The following GALNT17 variants were observed in gnomAD, a reference collection of about 807,000 sequenced individuals.
GALNT17 encodes polypeptide N-acetylgalactosaminyltransferase 17.
In GALNT17, 29 loss-of-function variants were observed where a neutral mutation model predicts 63.7. That is an observed-to-expected ratio of 0.46 (90% CI 0.34 to 0.62). The LOEUF is 0.62. Among genes scored for constraint, GALNT17 ranks in the 20% least tolerant of loss-of-function variants. The pLI is 0.01. For missense variants in GALNT17, 603 were observed against 799.6 expected, an observed-to-expected ratio of 0.75 and a Z score of 2.97; for synonymous variants, 305 against 318.3, an observed-to-expected ratio of 0.96 and a Z score of 0.45.
At chr7:71,583,214 C>T (rs1398881744) in intron 6 of GALNT17, among the ~76,000 whole-genome samples, 1 of 152,186 alleles carries the variant, frequency 6.6e-6, no homozygotes, top group Non-Finnish European at 1.5e-5. Context: ...CCTGCCTCAG[C>T]CTCCTGAGTA....
intron 6 of GALNT17, among the ~76,000 whole-genome samples, chr7:71,652,632 G>C (rs920379271): frequency 4.6e-5 from 7 of 152,176 alleles, no homozygotes; most frequent in Non-Finnish European, 8.8e-5. Flanking sequence ...GCTAAAATTT[G>C]CCTGCGCTTG....
chr7:71,361,377 TTGAAACCCA>T (rs1309353301), intron 2 of GALNT17, among the ~76,000 whole-genome samples: 68 of 152,362 alleles, frequency 4.5e-4, no homozygotes, highest in South Asian at 2.1e-3. Flanking sequence ...GTTTTAGCAC[TTGAAACCCA>T]GGGACACCAT....
intron 1 of GALNT17, chr7:71,300,469 A>C (rs771121235): frequency 2.2e-6 from 1 of 455,756 alleles, no homozygotes; most frequent in Non-Finnish European, 4.4e-6. Flanking sequence ...TGACTGGGGG[A>C]TGTTCATGAG....
chr7:71,186,271 C>A (rs1788849638), intron 1 of GALNT17, among the ~76,000 whole-genome samples: 1 of 152,208 alleles, frequency 6.6e-6, no homozygotes, highest in Non-Finnish European at 1.5e-5. Context: ...CCTTTATCCT[C>A]TCCAAGAGGA....
At chr7:71,707,918 C>T (rs2117126037) in intron 9 of GALNT17, among the ~76,000 whole-genome samples, 1 of 152,300 alleles carries the variant, frequency 6.6e-6, no homozygotes, top group South Asian at 2.1e-4. Flanking sequence ...GACTCCATTT[C>T]TTGATGGAAA....
At chr7:71,524,626 C>G (rs1184937610) in intron 5 of GALNT17, among the ~76,000 whole-genome samples, 1 of 152,112 alleles carries the variant, frequency 6.6e-6, no homozygotes, top group Non-Finnish European at 1.5e-5. Context: ...AGTCACTGTT[C>G]TTGAGAGTAT....
chr7:71,491,470 T>C (rs1788006317), intron 5 of GALNT17, among the ~76,000 whole-genome samples: 1 of 152,182 alleles, frequency 6.6e-6, no homozygotes. Flanking sequence ...TTTATGTGTT[T>C]GTACCCTGCC....
chr7:71,702,291 A>G (rs546532759), intron 9 of GALNT17, among the ~76,000 whole-genome samples: 3 of 152,284 alleles, frequency 2.0e-5, no homozygotes, highest in African/African-American at 7.2e-5. Flanking sequence ...TTTTAAAAAT[A>G]GAAAAACAGA....
intron 5 of GALNT17, among the ~76,000 whole-genome samples, chr7:71,521,585 G>A (rs112181162): frequency 9.2e-5 from 14 of 152,292 alleles, no homozygotes; most frequent in African/African-American, 1.7e-4. Context: ...TCAGATCACC[G>A]TGACTGAACG....
At chr7:71,201,379 A>ATCTC (rs141185712) in intron 1 of GALNT17, among the ~76,000 whole-genome samples, 2,004 of 151,644 alleles carry the variant, frequency 0.013, 41 homozygotes, top group African/African-American at 0.046. Context: ...GAGAACTCAG[A>ATCTC]TATTTATTGA....
intron 3 of GALNT17, among the ~76,000 whole-genome samples, chr7:71,401,538 A>G (rs1465181593): frequency 6.6e-6 from 1 of 152,130 alleles, no homozygotes; most frequent in African/African-American, 2.4e-5. Flanking sequence ...GCACAGCAGG[A>G]GGTGAGAGGC....
At chr7:71,273,843 G>T (rs1444106623) in intron 1 of GALNT17, among the ~76,000 whole-genome samples, 1 of 151,800 alleles carries the variant, frequency 6.6e-6, no homozygotes, top group Non-Finnish European at 1.5e-5. Flanking sequence ...GAGATAATGT[G>T]TGTGTGTGTG....
intron 6 of GALNT17, among the ~76,000 whole-genome samples, chr7:71,598,280 T>G (rs1333912297): frequency 6.6e-6 from 1 of 152,198 alleles, no homozygotes; most frequent in Non-Finnish European, 1.5e-5. Flanking sequence ...GAAGTCATTT[T>G]CTAATTCAGA....
At chr7:71,238,185 G>A (rs780772870) in intron 1 of GALNT17, among the ~76,000 whole-genome samples, 42 of 152,152 alleles carry the variant, frequency 2.8e-4, no homozygotes, top group Non-Finnish European at 5.3e-4. Flanking sequence ...CTCTGAGCAG[G>A]CAGAACTGTA....
At chr7:71,172,467 GAA>G (rs369510040) in intron 1 of GALNT17, among the ~76,000 whole-genome samples, 3 of 134,560 alleles carry the variant, frequency 2.2e-5, no homozygotes, top group African/African-American at 8.0e-5. Context: ...AAAAAAAAAA[GAA>G]AAAAAAAAAA....
chr7:71,153,323 T>C (rs1788167492), intron 1 of GALNT17, among the ~76,000 whole-genome samples: 1 of 152,178 alleles, frequency 6.6e-6, no homozygotes, highest in Non-Finnish European at 1.5e-5. Context: ...AATAGGAGAA[T>C]GTTGATGAAT....
chr7:71,306,090 C>CG (rs1791288992), intron 1 of GALNT17, among the ~76,000 whole-genome samples: 1 of 152,000 alleles, frequency 6.6e-6, no homozygotes, highest in Non-Finnish European at 1.5e-5. Context: ...TGTGGTGGTG[C>CG]GTGGCTGTAA....
At chr7:71,564,115 G>T (rs1789298896) in intron 5 of GALNT17, among the ~76,000 whole-genome samples, 1 of 152,006 alleles carries the variant, frequency 6.6e-6, no homozygotes, top group Non-Finnish European at 1.5e-5. Context: ...CAGCACTATA[G>T]GGAAGACTTG....
At chr7:71,520,069 C>T (rs1025374043) in intron 5 of GALNT17, among the ~76,000 whole-genome samples, 2 of 152,118 alleles carry the variant, frequency 1.3e-5, no homozygotes, top group East Asian at 1.9e-4. Context: ...TCCCAGCCCT[C>T]AAAGAGCTCA....
Sources: gnomAD v4.1 joint callset for allele counts (sites outside exome capture counted in the v4.1 genomes callset) on GRCh38, gnomAD v4.1.1 for gene constraint, MANE v1.5 for transcripts, NCBI Gene and HGNC (gene_info 2026-07-23, HGNC 2026-07-21) for gene names.